Variants in PTPRT observed in about 807,000 individuals in gnomAD.
PTPRT encodes protein tyrosine phosphatase receptor type T.
PTPRT carries 56 observed loss-of-function variants against 176.8 expected under a neutral mutation model. The observed-to-expected ratio is 0.32, with a 90% CI of 0.26 to 0.40. PTPRT has a LOEUF of 0.40. Among genes scored for constraint, PTPRT ranks in the 10% least tolerant of loss-of-function variants. The pLI, the probability that PTPRT is intolerant of heterozygous loss-of-function variation, is 1.00. For missense variants in PTPRT, 1,540 were observed against 1,908.2 expected (o/e 0.81, Z 3.60); for synonymous variants, 783 against 739.0 (o/e 1.06, Z -0.96).
At chr20:42,621,119 G>C (rs1185988639) in intron 7 of PTPRT, among the ~76,000 whole-genome samples, 1 of 152,114 alleles carries the variant, frequency 6.6e-6, no homozygotes, top group African/African-American at 2.4e-5. Context: ...GATGAGATTT[G>C]GGTGGGGACA....
rs530108004 is a variant in PTPRT at position 42,993,274 on chromosome 20, C to T, written c.89-107342G>A. On this transcript the variant is annotated intron_variant, in intron 1 of 30. Coordinates refer to ENST00000373187, the MANE Select transcript of PTPRT (RefSeq NM_007050.6). Reference sequence around the variant, plus strand: ...TCTACTAAAAATACAAAAAATTAGCCGGGCGTGGTGGCGGGTGCATGTAGT... The same window carrying T: ...TCTACTAAAAATACAAAAAATTAGCTGGGCGTGGTGGCGGGTGCATGTAGT... 4.0e-3 allele frequency among the ~76,000 whole-genome samples: 597 copies of T among 150,722 alleles called. 2 individuals are homozygous for T. Among genetic ancestry groups the T allele is most frequent in the African/African-American group, 0.014 (572 of 40,660 alleles).
intron 9 of PTPRT, among the ~76,000 whole-genome samples, chr20:42,395,773 T>G (rs2145685831): frequency 6.6e-6 from 1 of 152,270 alleles, no homozygotes; most frequent in African/African-American, 2.4e-5. Flanking sequence ...CACCTTCTCC[T>G]TTTGTTCTTT....
chr20:42,424,489 T>C (rs553823042), intron 9 of PTPRT, among the ~76,000 whole-genome samples: 1 of 152,178 alleles, frequency 6.6e-6, no homozygotes, highest in Admixed American at 6.5e-5. Context: ...GATACTTGTC[T>C]GAGGGGGCTC....
chr20:42,642,077 C>T (rs1430797438), intron 7 of PTPRT, among the ~76,000 whole-genome samples: 1 of 152,102 alleles, frequency 6.6e-6, no homozygotes, highest in East Asian at 1.9e-4. Flanking sequence ...GTGTGCCTGT[C>T]CAGATAATAT....
chr20:43,118,362 T>G (rs2013133313), intron 1 of PTPRT, among the ~76,000 whole-genome samples: 4 of 152,070 alleles, frequency 2.6e-5, no homozygotes, highest in Admixed American at 2.6e-4. Context: ...TTTGGCAGAG[T>G]CTGATTTAAG....
intron 1 of PTPRT, among the ~76,000 whole-genome samples, chr20:42,988,104 ACAAGGAGG>A (rs2146101277): frequency 1.3e-5 from 2 of 152,324 alleles, no homozygotes; most frequent in African/African-American, 4.8e-5. Flanking sequence ...GAGGGATTCT[ACAAGGAGG>A]CAAGGATTTT....
At chr20:42,499,188 T>C (rs1017438466) in intron 7 of PTPRT, among the ~76,000 whole-genome samples, 1 of 152,138 alleles carries the variant, frequency 6.6e-6, no homozygotes, top group Non-Finnish European at 1.5e-5. Context: ...ACTGTGGCAA[T>C]TTTGTGCAGT....
chr20:42,731,233 G>T (rs749610484), intron 6 of PTPRT, among the ~76,000 whole-genome samples: 1 of 152,190 alleles, frequency 6.6e-6, no homozygotes, highest in African/African-American at 2.4e-5. Flanking sequence ...GGCACCAGAC[G>T]TTCAGCGCAG....
chr20:42,389,040 A>C (rs565847229), intron 9 of PTPRT, among the ~76,000 whole-genome samples: 60 of 148,600 alleles, frequency 4.0e-4, no homozygotes, highest in African/African-American at 1.4e-3. Flanking sequence ...AAAACCAAAC[A>C]CTGCATGTTC....
At chr20:42,385,649 T>A (rs1344927030) in intron 9 of PTPRT, among the ~76,000 whole-genome samples, 1 of 152,204 alleles carries the variant, frequency 6.6e-6, no homozygotes, top group East Asian at 1.9e-4. Flanking sequence ...TTTAATGGAC[T>A]CACAGTTCCA....
At chr20:42,424,287 A>G (rs549123972) in intron 9 of PTPRT, among the ~76,000 whole-genome samples, 1 of 152,302 alleles carries the variant, frequency 6.6e-6, no homozygotes, top group African/African-American at 2.4e-5. Context: ...TGTGCAAAAA[A>G]TACTCCCAAT....
chr20:42,716,149 A>G (rs6030435), intron 6 of PTPRT, among the ~76,000 whole-genome samples: 23,193 of 152,132 alleles, frequency 0.15, 2,683 homozygotes, highest in African/African-American at 0.32. Flanking sequence ...CCAGACCCAC[A>G]GCTTGAATAG....
At chr20:42,431,042 T>C (rs1395452576) in intron 9 of PTPRT, among the ~76,000 whole-genome samples, 1 of 151,922 alleles carries the variant, frequency 6.6e-6, no homozygotes, top group Non-Finnish European at 1.5e-5. Context: ...GGGGTGGGAG[T>C]GTCTAATACA....
Position 42,080,489 on chromosome 20 carries a change from C to G in PTPRT, c.*390G>C, listed in dbSNP as rs1034112259. The G allele has an allele frequency of 1.1e-5, 3 of 265,142 alleles. No homozygotes were observed. Among genetic ancestry groups the G allele is most frequent in the Non-Finnish European group, 2.2e-5 (3 of 138,466 alleles). The allele number at this position is 265,142 out of a possible 1,614,324, so 16.4% of individuals were successfully genotyped here. On this transcript the variant is annotated 3_prime_UTR_variant, in exon 31 of 31. Coordinates refer to ENST00000373187, the MANE Select transcript of PTPRT (RefSeq NM_007050.6). The stretch of plus-strand genomic sequence containing the variant: ...GAGCAGAACACACATCTCCTCCACT[C>G]CTAAGGAGAAGGAGGGCAGGGGAGC...
At chr20:42,765,397 T>C (rs1300317340) in intron 5 of PTPRT, among the ~76,000 whole-genome samples, 2 of 152,104 alleles carry the variant, frequency 1.3e-5, no homozygotes, top group African/African-American at 4.8e-5. Flanking sequence ...ATGGTGATGA[T>C]GGGGGTGTGG....
intron 16 of PTPRT, among the ~76,000 whole-genome samples, chr20:42,185,144 T>TGG (rs1568653208): frequency 3.3e-5 from 5 of 152,192 alleles, no homozygotes; most frequent in Non-Finnish European, 5.9e-5. Flanking sequence ...CAGGTATCCA[T>TGG]GACCACATAG....
At chr20:42,592,605 C>T (rs1392896411) in intron 7 of PTPRT, among the ~76,000 whole-genome samples, 1 of 152,140 alleles carries the variant, frequency 6.6e-6, no homozygotes, top group Non-Finnish European at 1.5e-5. Flanking sequence ...TTTTTCAGAA[C>T]AAGGTAGAGA....
Position 42,364,545 on chromosome 20 carries a change from A to G in PTPRT, c.1561-12260T>C, listed in dbSNP as rs74678633. ...TTTTTTTTTCTCCCTTCTTGGTTAA[A>G]ACGATCATTTATACTAACCTTTTCT... On this transcript the variant is annotated intron_variant, in intron 9 of 30. Coordinates refer to ENST00000373187, the MANE Select transcript of PTPRT (RefSeq NM_007050.6). 2.1e-3 allele frequency among the ~76,000 whole-genome samples: 325 copies of G among 152,216 alleles called. 1 individual carries two copies. The highest frequency in any genetic ancestry group is 7.7e-3 in the African/African-American group (318 of 41,536).
At chr20:42,271,043 G>A (rs979324957) in intron 13 of PTPRT, among the ~76,000 whole-genome samples, 1 of 152,116 alleles carries the variant, frequency 6.6e-6, no homozygotes, top group Admixed American at 6.5e-5. Context: ...CTCCAGTCTT[G>A]TTCCCCTTCA....
Sources: gnomAD v4.1 joint callset for allele counts (sites outside exome capture counted in the v4.1 genomes callset) on GRCh38, gnomAD v4.1.1 for gene constraint, MANE v1.5 for transcripts, NCBI Gene and HGNC (gene_info 2026-07-23, HGNC 2026-07-21) for gene names.